SYNE1: variants seen among roughly 807,000 people sequenced by gnomAD.
The protein encoded by SYNE1 is spectrin repeat containing nuclear envelope protein 1.
SYNE1 carries 616 observed loss-of-function variants against 1,111.0 expected under a neutral mutation model. That is an observed-to-expected ratio of 0.55 (90% confidence interval 0.52 to 0.59). SYNE1 has a LOEUF of 0.59. SYNE1 is among the 20% of genes least tolerant of loss of function. SYNE1 has a pLI of 0.00. For synonymous variants in SYNE1, 3,855 were observed against 3,825.8 expected (o/e 1.01, Z -0.28); for missense variants, 10,006 against 10,417.0 (o/e 0.96, Z 1.72).
At chr6:152,430,840 TGTGAG>T in intron 34 of SYNE1, 131 bp from the exon 35 acceptor site, 1 of 882,966 alleles carries the variant, frequency 1.1e-6, no homozygotes, top group Non-Finnish European at 1.8e-6. Flanking sequence ...AGAGCGCAGC[TGTGAG>T]CAAACACCAT....
rs1397928667 is a variant in SYNE1, at chr6:152,140,001, C to T, written c.25407G>A (p.Leu8469=). 1 of 1,614,148 alleles carries T rather than the reference C, an allele frequency of 6.2e-7. No individual in the cohort carries two copies. Among genetic ancestry groups the T allele is most frequent in the East Asian group, 2.2e-5 (1 of 44,872 alleles). Residue 8469 remains leucine, a synonymous_variant, in exon 140 of 146, where the codon CTG becomes CTA. Transcript: ENST00000367255. ...TGGTCTGGATGTCAGTGCTGAGTTC[C>T]AGACGCTGGAGCTGTTCCAACTCCT... ...TEEELEQLQR[L]ELSTDIQTIE... is the part of the protein sequence containing the mutation.
chr6:152,416,368 G>C lies in SYNE1; in HGVS notation c.6050+19C>G. ...TACAAAAGAAAAGAGACAAGTGGCCGTGACAGTTTCCTATTTACCTCTGCT... is the reference window on the plus strand; with the variant it reads ...TACAAAAGAAAAGAGACAAGTGGCCCTGACAGTTTCCTATTTACCTCTGCT... On this transcript the variant is annotated intron_variant, in intron 41 of 145. Transcript: ENST00000367255. 1 of 1,613,146 alleles carries C rather than the reference G, an allele frequency of 6.2e-7. No homozygotes were observed. Among genetic ancestry groups the C allele is most frequent in the Non-Finnish European group, 8.5e-7 (1 of 1,180,016 alleles).
intron 113 of SYNE1, 31 bp downstream of exon 113, chr6:152,232,085 T>C (rs773068075): frequency 2.1e-5 from 31 of 1,477,744 alleles, no homozygotes; most frequent in Middle Eastern, 2.3e-4. Flanking sequence ...TCTGAAAATA[T>C]GAAAAGTTAA....
chr6:152,294,259 A>G, intron 93 of SYNE1, 132 bp from the exon 94 acceptor site: 1 of 839,422 alleles, frequency 1.2e-6, no homozygotes, highest in South Asian at 1.5e-5. Flanking sequence ...AAACTAGTAA[A>G]TTAGTAAACT....
At chr6:152,517,586 C>T (rs1048438893) in intron 6 of SYNE1, among the ~76,000 whole-genome samples, 4 of 152,194 alleles carry the variant, frequency 2.6e-5, no homozygotes, top group Non-Finnish European at 4.4e-5. Flanking sequence ...CAACCCAATT[C>T]CCATTCATAA....
chr6:152,370,232 C>T (rs2097157479), intron 59 of SYNE1, among the ~76,000 whole-genome samples: 1 of 152,024 alleles, frequency 6.6e-6, no homozygotes, highest in Non-Finnish European at 1.5e-5. Context: ...TCATCATAGA[C>T]TAGGTTGGAT....
chr6:152,536,749 C>A (rs971883734), intron 4 of SYNE1, among the ~76,000 whole-genome samples: 2 of 151,874 alleles, frequency 1.3e-5, no homozygotes, highest in African/African-American at 4.8e-5. Context: ...ATTCCTTCCC[C>A]TCCAAGATTC....
At chr6:152,248,004 G>A (rs1239479462) in intron 105 of SYNE1, among the ~76,000 whole-genome samples, 2 of 151,944 alleles carry the variant, frequency 1.3e-5, no homozygotes, top group Non-Finnish European at 1.5e-5. Flanking sequence ...CTTAGCTTAT[G>A]AAACAGGAGA....
intron 127 of SYNE1, among the ~76,000 whole-genome samples, chr6:152,195,433 T>C (rs1478309175): frequency 6.6e-6 from 1 of 152,218 alleles, no homozygotes; most frequent in Non-Finnish European, 1.5e-5. Flanking sequence ...TTACCCTTCT[T>C]AGGAAGGTTT....
intron 8 of SYNE1, among the ~76,000 whole-genome samples, chr6:152,506,416 T>C (rs1020609481): frequency 2.0e-5 from 3 of 152,138 alleles, no homozygotes; most frequent in African/African-American, 7.2e-5. Context: ...TGTCTCTAAC[T>C]AAAGCAAAAA....
intron 98 of SYNE1, among the ~76,000 whole-genome samples, chr6:152,273,902 G>A (rs2093400788): frequency 1.3e-5 from 2 of 152,154 alleles, no homozygotes; most frequent in Admixed American, 1.3e-4. Flanking sequence ...TTGTGCTTGT[G>A]AGTGAGGATC....
At position 152,536,605 on chromosome 6, in the gene SYNE1, T is replaced by C. The variant is rs2099244309; in HGVS notation, c.129+3355A>G. On this transcript the variant is annotated intron_variant, in intron 4 of 145. Transcript: ENST00000367255. Reference sequence around the variant, plus strand: ...ATGACTTCCAAACTGCCAAATCGAATGGGTTCACCTTTACCAACTAATTTC... The same window carrying C: ...ATGACTTCCAAACTGCCAAATCGAACGGGTTCACCTTTACCAACTAATTTC... Among the ~76,000 whole-genome samples the C allele has an allele frequency of 2.0e-5, 3 of 151,174 alleles. No homozygotes were observed. The South Asian group carries it at 6.2e-4, about 31-fold the overall frequency.
rs748905719 is a variant in SYNE1 at position 152,323,514 on chromosome 6, A to G, written c.15881T>C (p.Met5294Thr). The change falls in exon 82 of 146, where the codon ATG becomes ACG. Residue 5294 changes from methionine (M) to threonine (T), a missense_variant. Coordinates refer to ENST00000367255, the MANE Select transcript of SYNE1 (RefSeq NM_182961.4). ...APTPGEEPPL[M>T]QEITAMQDRC... The stretch of plus-strand genomic sequence containing the variant: ...ATCTTGCATGGCGGTGATTTCCTGC[A>G]TGAGCGGAGGCTCTTCCCCAGGGGT... 6.2e-7 allele frequency: 1 copy of G among 1,614,106 alleles called. No homozygotes were observed. Among genetic ancestry groups the G allele is most frequent in the Admixed American group, 1.7e-5 (1 of 60,016 alleles).
At chr6:152,483,675 G>A (rs981591956) in intron 13 of SYNE1, among the ~76,000 whole-genome samples, 1 of 152,040 alleles carries the variant, frequency 6.6e-6, no homozygotes, top group African/African-American at 2.4e-5. Flanking sequence ...AACCTCCCAC[G>A]TGATCAGAAC....
intron 80 of SYNE1, 59 bp from the exon 81 acceptor site, chr6:152,325,361 ATAAAG>A (rs2096032933): frequency 6.4e-7 from 1 of 1,556,532 alleles, no homozygotes; most frequent in South Asian, 1.1e-5. Context: ...ATTTAATTTT[ATAAAG>A]TTCTATGGAT....
chr6:152,403,736 C>T (rs2097853622), intron 46 of SYNE1, among the ~76,000 whole-genome samples: 1 of 151,940 alleles, frequency 6.6e-6, no homozygotes, highest in South Asian at 2.1e-4. Flanking sequence ...AACAAACAAA[C>T]AACCAACATC....
At chr6:152,310,247 G>A in intron 89 of SYNE1, 149 bp downstream of exon 89, 1 of 1,267,264 alleles carries the variant, frequency 7.9e-7, no homozygotes, top group African/African-American at 1.5e-5. Flanking sequence ...TTCGAGACCA[G>A]CCTGGCCAAC....
intron 32 of SYNE1, among the ~76,000 whole-genome samples, chr6:152,439,787 T>C (rs1359753935): frequency 6.6e-6 from 1 of 152,204 alleles, no homozygotes; most frequent in Non-Finnish European, 1.5e-5. Flanking sequence ...TTCATTTCTC[T>C]ACTAATTCAG....
intron 44 of SYNE1, 110 bp downstream of exon 44, chr6:152,408,958 A>AG (rs2097956017): frequency 1.1e-6 from 1 of 938,692 alleles, no homozygotes; most frequent in African/African-American, 1.7e-5. Context: ...CTGTCTCCAA[A>AG]AAAAAAAAAA....
Sources: allele counts gnomAD v4.1 joint callset (sites outside exome capture counted in the v4.1 genomes callset), GRCh38; gene constraint gnomAD v4.1.1; transcripts MANE v1.5; gene names NCBI Gene and HGNC (gene_info 2026-07-23, HGNC 2026-07-21).